The following FHIT variants were observed in gnomAD, a reference collection of about 807,000 sequenced individuals.
FHIT encodes the protein bis(5'-adenosyl)-triphosphatase.
In FHIT, 19 loss-of-function variants were observed where a neutral mutation model predicts 17.9. That is an observed-to-expected ratio of 1.06 (90% confidence interval 0.74 to 1.56). The LOEUF (loss-of-function observed/expected upper bound fraction) is 1.56, where lower values mean the gene tolerates loss of function less well. FHIT is among the 40% of genes most tolerant of loss of function. The pLI, the probability that FHIT is intolerant of heterozygous loss-of-function variation, is 0.00. For synonymous variants in FHIT, 81 were observed against 69.7 expected (o/e 1.16, Z -0.81); for missense variants, 248 against 189.2 (o/e 1.31, Z -1.82).
intron 5 of FHIT, among the ~76,000 whole-genome samples, chr3:60,342,009 A>T (rs1417083514): frequency 3.9e-5 from 6 of 152,028 alleles, no homozygotes; most frequent in Admixed American, 3.9e-4. Flanking sequence ...AAGAAAAAAA[A>T]CTCTCAGCAA....
At chr3:59,887,814 C>T (rs997600126) in intron 8 of FHIT, among the ~76,000 whole-genome samples, 10 of 152,250 alleles carry the variant, frequency 6.6e-5, no homozygotes, top group South Asian at 4.2e-4. Context: ...CAAGGGACAG[C>T]GGGAGACCTT....
At chr3:60,213,869 T>G (rs1703571805) in intron 5 of FHIT, among the ~76,000 whole-genome samples, 1 of 152,146 alleles carries the variant, frequency 6.6e-6, no homozygotes, top group Admixed American at 6.5e-5. Context: ...AATGATATCC[T>G]TAGAAAGCAT....
chr3:60,026,022 G>C (rs956230229), intron 5 of FHIT, among the ~76,000 whole-genome samples: 3 of 152,034 alleles, frequency 2.0e-5, no homozygotes, highest in Admixed American at 6.6e-5. Flanking sequence ...CCTGTAAAGG[G>C]GGGGAAAGAA....
At chr3:60,292,429 C>G (rs1224121425) in intron 5 of FHIT, among the ~76,000 whole-genome samples, 1 of 152,066 alleles carries the variant, frequency 6.6e-6, no homozygotes, top group African/African-American at 2.4e-5. Flanking sequence ...CTGAGAAAAT[C>G]AGGGGTGTCC....
At chr3:60,560,492 T>C (rs921258753) in intron 4 of FHIT, among the ~76,000 whole-genome samples, 3 of 152,174 alleles carry the variant, frequency 2.0e-5, no homozygotes. Flanking sequence ...ATTCTGTAAG[T>C]AAATTTTAAA....
intron 5 of FHIT, among the ~76,000 whole-genome samples, chr3:60,251,716 C>A (rs1157305913): frequency 1.3e-5 from 2 of 152,140 alleles, no homozygotes; most frequent in Admixed American, 6.5e-5. Context: ...CCTTGTCCAG[C>A]GTGTGGGCCA....
chr3:59,987,203 T>C (rs1266851477), intron 7 of FHIT, among the ~76,000 whole-genome samples: 3 of 144,424 alleles, frequency 2.1e-5, no homozygotes, highest in Non-Finnish European at 4.6e-5. Flanking sequence ...AAATCCTATA[T>C]ATATTTATTT....
At chr3:60,401,632 G>A (rs1402230710) in intron 5 of FHIT, among the ~76,000 whole-genome samples, 1 of 152,070 alleles carries the variant, frequency 6.6e-6, no homozygotes, top group Non-Finnish European at 1.5e-5. Context: ...CCCACCCCAT[G>A]TAGTTTCCTT....
chr3:60,939,940 C>T (rs1175636687), intron 3 of FHIT, among the ~76,000 whole-genome samples: 2 of 151,986 alleles, frequency 1.3e-5, no homozygotes, highest in Non-Finnish European at 2.9e-5. Flanking sequence ...GACTCAGAAA[C>T]GTAGCTAAGA....
intron 5 of FHIT, among the ~76,000 whole-genome samples, chr3:60,134,152 A>G (rs1699710610): frequency 1.3e-5 from 2 of 152,310 alleles, no homozygotes; most frequent in Non-Finnish European, 2.9e-5. Flanking sequence ...TGATCCAACT[A>G]TATTTCTGGA....
intron 5 of FHIT, among the ~76,000 whole-genome samples, chr3:60,250,760 TAGA>T (rs1435047173): frequency 6.6e-6 from 1 of 152,144 alleles, no homozygotes; most frequent in East Asian, 1.9e-4. Context: ...TACCTTCCTT[TAGA>T]AGAAGAATTA....
At chr3:60,147,749 G>C (rs59665750) in intron 5 of FHIT, among the ~76,000 whole-genome samples, 1 of 152,122 alleles carries the variant, frequency 6.6e-6, no homozygotes, top group African/African-American at 2.4e-5. Context: ...TCTCTTTATC[G>C]CTAGATGCAG....
intron 2 of FHIT, among the ~76,000 whole-genome samples, chr3:61,162,711 G>A (rs2037732015): frequency 6.6e-6 from 1 of 152,124 alleles, no homozygotes; most frequent in African/African-American, 2.4e-5. Flanking sequence ...TTTCAACTCT[G>A]TAAATTATAG....
chr3:60,603,608 A>C (rs912631759), intron 4 of FHIT, among the ~76,000 whole-genome samples: 6 of 152,038 alleles, frequency 3.9e-5, no homozygotes, highest in Admixed American at 2.0e-4. Flanking sequence ...AAAAATATAC[A>C]ATCACCACTC....
In FHIT at chr3:60,270,240, C is replaced by T. The variant is rs772378340; in HGVS notation, c.104-256088G>A. On this transcript the variant is annotated intron_variant, in intron 5 of 9. Transcript: ENST00000492590. ...AAAAAGAAGGCCAAAGCACAGACTCCGACCACAACTGCAGTTCTTGCTTGC... is the reference window on the plus strand; with the variant it reads ...AAAAAGAAGGCCAAAGCACAGACTCTGACCACAACTGCAGTTCTTGCTTGC... 1.9e-4 allele frequency among the ~76,000 whole-genome samples: 29 copies of T among 152,316 alleles called. 1 individual carries two copies. Among genetic ancestry groups the T allele is most frequent in the Non-Finnish European group, 3.7e-4 (25 of 68,024 alleles).
chr3:60,439,501 C>A (rs774765188), intron 5 of FHIT, among the ~76,000 whole-genome samples: 4 of 152,042 alleles, frequency 2.6e-5, no homozygotes, highest in African/African-American at 7.2e-5. Flanking sequence ...CAGAACCCTG[C>A]TTTTAGTTTT....
intron 2 of FHIT, among the ~76,000 whole-genome samples, chr3:61,158,528 T>C (rs746179243): frequency 9.2e-5 from 14 of 152,208 alleles, no homozygotes; most frequent in Non-Finnish European, 1.3e-4. Flanking sequence ...ATGGAGGCAG[T>C]CCTTGTACCC....
chr3:59,939,149 G>T (rs1286297507), intron 7 of FHIT, among the ~76,000 whole-genome samples: 1 of 152,174 alleles, frequency 6.6e-6, no homozygotes, highest in African/African-American at 2.4e-5. Context: ...GAGACAGAGT[G>T]ATTCCATAGG....
rs546814486 is a variant in FHIT at position 59,984,517 on chromosome 3, G to C, written c.279+26854C>G. ...GTATTGGCTAAACATTGTTCCTAAA[G>C]TCAATAATTCCTGACACTTTAGGCC... On this transcript the variant is annotated intron_variant, in intron 7 of 9. Transcript: ENST00000492590. Among the ~76,000 whole-genome samples, 83 of 152,058 alleles carry C rather than the reference G, an allele frequency of 5.5e-4. 1 individual carries two copies. Among genetic ancestry groups the C allele is most frequent in the African/African-American group, 2.0e-3 (81 of 41,496 alleles).
Sources: gnomAD v4.1 joint callset for allele counts (sites outside exome capture counted in the v4.1 genomes callset) on GRCh38, gnomAD v4.1.1 for gene constraint, MANE v1.5 for transcripts, NCBI Gene and HGNC (gene_info 2026-07-23, HGNC 2026-07-21) for gene names.